The following BLOC1S2 variants were observed in gnomAD, a reference collection of about 807,000 sequenced individuals.
The protein encoded by BLOC1S2 is biogenesis of lysosome-related organelles complex 1 subunit 2.
BLOC1S2 carries 12 observed loss-of-function variants against 19.6 expected under a neutral mutation model. That is an observed-to-expected ratio of 0.61 (90% CI 0.39 to 0.99). The LOEUF (loss-of-function observed/expected upper bound fraction) is 0.99. BLOC1S2 is among the 50% of genes least tolerant of loss of function. BLOC1S2 has a pLI of 0.00. For missense variants in BLOC1S2, 142 were observed against 171.0 expected, an observed-to-expected ratio of 0.83 and a Z score of 0.95; for synonymous variants, 66 against 64.1, an observed-to-expected ratio of 1.03 and a Z score of -0.14.
At chr10:100,282,624 C>T (rs1848137443) in intron 2 of BLOC1S2, among the ~76,000 whole-genome samples, 1 of 152,220 alleles carries the variant, frequency 6.6e-6, no homozygotes. Context: ...AACTGTTTCT[C>T]AGCTGTAACA....
chr10:100,281,383 C>T (rs1848096967), intron 2 of BLOC1S2, among the ~76,000 whole-genome samples: 1 of 152,180 alleles, frequency 6.6e-6, no homozygotes, highest in East Asian at 1.9e-4. Flanking sequence ...AACTTATATA[C>T]ATATAATATA....
chr10:100,275,352 A>G lies in BLOC1S2; in HGVS notation c.*110T>C. 1 of 1,147,602 alleles carries G rather than the reference A, an allele frequency of 8.7e-7. No homozygotes were observed. Among genetic ancestry groups the G allele is most frequent in the South Asian group, 1.4e-5 (1 of 69,944 alleles). The allele number at this position is 1,147,602 out of a possible 1,614,324, so 71.1% of individuals were successfully genotyped here. ...TTGAGATGTTCCTGTGATGACCAGC[A>G]TAATTTCCTTTTGAGGAATTTTCAC... is the stretch of plus-strand genomic sequence containing the variant. On this transcript the variant is annotated 3_prime_UTR_variant, in exon 5 of 5. Coordinates refer to ENST00000370372, the MANE Select transcript of BLOC1S2 (RefSeq NM_173809.5).
At chr10:100,278,176 T>C (rs370997960) in intron 4 of BLOC1S2, among the ~76,000 whole-genome samples, 55,840 of 114,308 alleles carry the variant, frequency 0.49, 13,197 homozygotes, top group African/African-American at 0.58. Flanking sequence ...GTCAGCCCCC[T>C]ACCCGGCCAG....
At chr10:100,282,720 C>A (rs1374245433) in intron 2 of BLOC1S2, among the ~76,000 whole-genome samples, 2 of 152,144 alleles carry the variant, frequency 1.3e-5, no homozygotes, top group Non-Finnish European at 1.5e-5. Context: ...GAGGAAATAT[C>A]AATTTACTCT....
chr10:100,281,488 A>C (rs555044849), intron 2 of BLOC1S2, among the ~76,000 whole-genome samples: 3 of 152,008 alleles, frequency 2.0e-5, no homozygotes, highest in Non-Finnish European at 2.9e-5. Context: ...TTCAAGACCA[A>C]CCTGGCCAAG....
At chr10:100,280,531 A>G (rs1848077322) in intron 3 of BLOC1S2, among the ~76,000 whole-genome samples, 1 of 152,264 alleles carries the variant, frequency 6.6e-6, no homozygotes, top group African/African-American at 2.4e-5. Flanking sequence ...ATACCAAGAA[A>G]GAGCACCCTA....
In BLOC1S2 at chr10:100,280,189, A is replaced by G; in HGVS notation, c.332T>C (p.Ile111Thr). 4 of 1,613,318 alleles carry G rather than the reference A, an allele frequency of 2.5e-6. No individual in the cohort carries two copies. Among genetic ancestry groups the G allele is most frequent in the African/African-American group, 1.3e-5 (1 of 75,036 alleles). Residue 111 changes from isoleucine (I) to threonine (T), a missense_variant, in exon 4 of 5, where the codon ATT becomes ACT. By Grantham distance (89) the Ile-to-Thr change is moderately conservative (BLOSUM62 -1). This residue lies in a region of BLOC1S2 where 94 missense variants were observed against 141.3 expected (regional missense o/e 0.67). Transcript: ENST00000370372. ...LQPYLDQINVIEEQVAALEQA... is the reference protein window; with the variant it reads ...LQPYLDQINVTEEQVAALEQA... ...CTCAAGAGCTGCTACCTGCTCTTCA[A>G]TGACATTGATCTGATCCAGATAAGG...
intron 1 of BLOC1S2, 169 bp downstream of exon 1, chr10:100,286,436 G>C: frequency 6.8e-7 from 1 of 1,473,292 alleles, no homozygotes; most frequent in Non-Finnish European, 9.0e-7. Context: ...CGCTCATCCT[G>C]GCACCATCCC....
At chr10:100,284,689 C>T (rs1358239480) in intron 2 of BLOC1S2, among the ~76,000 whole-genome samples, 3 of 152,106 alleles carry the variant, frequency 2.0e-5, no homozygotes. Flanking sequence ...CAGGGTTTTG[C>T]CATGTTGAGC....
chr10:100,281,456 C>T (rs1848099636), intron 2 of BLOC1S2, among the ~76,000 whole-genome samples: 1 of 151,948 alleles, frequency 6.6e-6, no homozygotes. Context: ...GAAGCCGAGG[C>T]GGGTGATCAC....
At position 100,274,684 on chromosome 10, in the gene BLOC1S2, A is replaced by T. The variant is rs1847808383; in HGVS notation, c.*778T>A. On this transcript the variant is annotated 3_prime_UTR_variant, in exon 5 of 5. Transcript: ENST00000370372. ...TCCCTAAGATCCCCCCAAATCCTAC[A>T]TACACAGTAGGAAGGTATTTTATAA... is the stretch of plus-strand genomic sequence containing the variant. 6.7e-6 allele frequency: 2 copies of T among 300,284 alleles called. No homozygotes were observed. The highest frequency in any genetic ancestry group is 1.2e-5 in the Non-Finnish European group (2 of 164,668). The allele number at this position is 300,284 out of a possible 1,614,324, so 18.6% of individuals were successfully genotyped here.
Position 100,285,082 on chromosome 10 carries a change from GA to G in BLOC1S2, c.172+1014del, listed in dbSNP as rs200718402. 6.6e-3 allele frequency among the ~76,000 whole-genome samples: 971 copies of G among 147,848 alleles called. 9 individuals are homozygous for G. Among genetic ancestry groups the G allele is most frequent in the African/African-American group, 0.022 (881 of 40,440 alleles). The stretch of plus-strand genomic sequence containing the variant: ...ACCCTGTCTCTTAAAAACAGAAAAA[GA>G]AAAAAAAAAATTACAGATTCACAAC... On this transcript the variant is annotated intron_variant, in intron 2 of 4. Transcript: ENST00000370372.
chr10:100,280,302 A>G, intron 3 of BLOC1S2, 74 bp from the exon 4 acceptor site: 1 of 1,342,286 alleles, frequency 7.4e-7, no homozygotes, highest in Non-Finnish European at 1.0e-6. Context: ...GTGGAAAAGT[A>G]ATAATGCTAG....
rs554321932 is a variant in BLOC1S2 at position 100,283,601 on chromosome 10, C to A, written c.172+2496G>T. ...AAACAAAGGTCACAGCTAGGCATTGCGCCTCATGCCTGTAATCCCAGCACT... is the reference window on the plus strand; with the variant it reads ...AAACAAAGGTCACAGCTAGGCATTGAGCCTCATGCCTGTAATCCCAGCACT... On this transcript the variant is annotated intron_variant, in intron 2 of 4. Transcript: ENST00000370372. 4.6e-5 allele frequency among the ~76,000 whole-genome samples: 7 copies of A among 152,102 alleles called. No homozygotes were observed. In the East Asian group the frequency reaches 1.4e-3, roughly 29 times the overall value.
intron 4 of BLOC1S2, among the ~76,000 whole-genome samples, chr10:100,277,916 G>T (rs1324231927): frequency 1.0e-5 from 1 of 95,270 alleles, no homozygotes; most frequent in Non-Finnish European, 2.2e-5. Flanking sequence ...CAGCCGCCCC[G>T]TCCGGGAGGT....
Position 100,274,908 on chromosome 10 carries a change from ACT to A in BLOC1S2, c.*552_*553del, listed in dbSNP as rs1847814478. 1 of 398,464 alleles carries A rather than the reference ACT, an allele frequency of 2.5e-6. No homozygotes were observed. The highest frequency in any genetic ancestry group is 2.1e-5 in the African/African-American group (1 of 48,720). The allele number at this position is 398,464 out of a possible 1,614,324, so 24.7% of individuals were successfully genotyped here. A position where few individuals can be genotyped will look rare whatever the true frequency, so the allele number is the denominator to read the frequency against. ...TCACCATTTCTGCTCAATCTAGAAG[ACT>A]CAGCTTGGAATTATTTTAAGATTTT... On this transcript the variant is annotated 3_prime_UTR_variant, in exon 5 of 5. Coordinates refer to ENST00000370372, the MANE Select transcript of BLOC1S2 (RefSeq NM_173809.5).
chr10:100,276,475 C>T (rs1589646084), intron 4 of BLOC1S2, among the ~76,000 whole-genome samples: 1 of 108,274 alleles, frequency 9.2e-6, no homozygotes, highest in Non-Finnish European at 2.0e-5. Flanking sequence ...TCTCCCTCTC[C>T]CTCTCCCGTC....
In BLOC1S2 at chr10:100,286,056, T is replaced by A. The variant is rs1848226362; in HGVS notation, c.172+41A>T. 4 of 1,608,024 alleles carry A rather than the reference T, an allele frequency of 2.5e-6. No homozygotes were observed. The African/African-American group carries it at 4.0e-5, about 16-fold the overall frequency. On this transcript the variant is annotated intron_variant, in intron 2 of 4. Coordinates refer to ENST00000370372, the MANE Select transcript of BLOC1S2 (RefSeq NM_173809.5). The stretch of plus-strand genomic sequence containing the variant: ...GCTGCTAACCATCTCCCAGGCCTCC[T>A]GGGCCAAACCGCACCCGAATCAACC...
chr10:100,276,927 C>G (rs34539738), intron 4 of BLOC1S2, among the ~76,000 whole-genome samples: 50,304 of 149,554 alleles, frequency 0.34, 8,037 homozygotes, highest in Non-Finnish European at 0.42. Context: ...GCCGCCACCC[C>G]GTCTGGGAAG....
Sources: allele counts gnomAD v4.1 joint callset (sites outside exome capture counted in the v4.1 genomes callset), GRCh38; gene constraint gnomAD v4.1.1; regional missense constraint gnomAD v4.1.1; transcripts MANE v1.5; gene names NCBI Gene and HGNC (gene_info 2026-07-23, HGNC 2026-07-21).